LONRF2: variants seen among roughly 807,000 people sequenced by gnomAD.
LONRF2 encodes LON peptidase N-terminal domain and RING finger protein 2.
LONRF2 carries 35 observed loss-of-function variants against 66.6 expected under a neutral mutation model. The observed-to-expected ratio is 0.53, with a 90% CI of 0.40 to 0.70. The LOEUF (loss-of-function observed/expected upper bound fraction) is 0.70. Ranked by LOEUF, LONRF2 falls within the 30% of genes least tolerant of loss-of-function variation. The probability of loss-of-function intolerance (pLI) is 0.00; values close to 1 mark genes in which losing one functional copy is unlikely to be tolerated. For synonymous variants in LONRF2, 417 were observed against 418.1 expected (o/e 1.00, Z 0.03); for missense variants, 902 against 1,002.1 (o/e 0.90, Z 1.35).
chr2:100,304,312 C>CTGATTTTT (rs112107147), intron 2 of LONRF2, among the ~76,000 whole-genome samples: 1 of 150,770 alleles, frequency 6.6e-6, no homozygotes, highest in Non-Finnish European at 1.5e-5. Flanking sequence ...CCCTGCCTGG[C>CTGATTTTT]TAATTTTTTT....
chr2:100,287,338 T>C (rs888147143), intron 10 of LONRF2, among the ~76,000 whole-genome samples: 2 of 152,252 alleles, frequency 1.3e-5, no homozygotes, highest in African/African-American at 4.8e-5. Flanking sequence ...CAATTATATA[T>C]TTGAGATACA....
In LONRF2 at chr2:100,322,238, T is replaced by G. The variant is rs1192800117; in HGVS notation, c.-145A>C. ...CTGGGGGCGGCGCGCTGCGAGCGGC[T>G]GAGACCGCGGGCGGGGGCGGGCGCC... On this transcript the variant is annotated 5_prime_UTR_variant, in exon 1 of 12. Coordinates refer to ENST00000393437, the MANE Select transcript of LONRF2 (RefSeq NM_198461.4). 3.7e-6 allele frequency: 3 copies of G among 812,712 alleles called. No individual in the cohort carries two copies. Among genetic ancestry groups the G allele is most frequent in the Non-Finnish European group, 1.6e-6 (1 of 627,658 alleles). The allele number at this position is 812,712 out of a possible 1,614,324, so 50.3% of individuals were successfully genotyped here.
chr2:100,299,623 A>T, intron 5 of LONRF2, 94 bp downstream of exon 5: 1 of 948,032 alleles, frequency 1.1e-6, no homozygotes, highest in Non-Finnish European at 1.6e-6. Context: ...TACTAATATT[A>T]AATGTTGTAA....
chr2:100,305,406 T>C (rs1675271826), intron 2 of LONRF2, among the ~76,000 whole-genome samples: 1 of 152,188 alleles, frequency 6.6e-6, no homozygotes, highest in South Asian at 2.1e-4. Context: ...CCCCTGTTAA[T>C]GTCATTTTAA....
At chr2:100,307,096 A>G (rs1305616051) in intron 2 of LONRF2, among the ~76,000 whole-genome samples, 4 of 151,418 alleles carry the variant, frequency 2.6e-5, no homozygotes, top group Non-Finnish European at 5.9e-5. Context: ...AATTTTTTGT[A>G]TTTTTAGTAG....
intron 1 of LONRF2, among the ~76,000 whole-genome samples, chr2:100,318,598 G>A (rs769154677): frequency 9.9e-5 from 15 of 151,748 alleles, no homozygotes; most frequent in Non-Finnish European, 1.3e-4. Flanking sequence ...AGGCTGAGGC[G>A]GGCAGATCAC....
chr2:100,318,346 T>A (rs1417616915), intron 1 of LONRF2, among the ~76,000 whole-genome samples: 1 of 152,210 alleles, frequency 6.6e-6, no homozygotes, highest in Admixed American at 6.5e-5. Flanking sequence ...TTTCATACAT[T>A]TATTTACCTC....
In LONRF2 at chr2:100,299,142, T is replaced by G. The variant is rs552395711; in HGVS notation, c.1361+84A>C. The G allele has an allele frequency of 8.3e-5, 85 of 1,029,636 alleles. No individual in the cohort carries two copies. The African/African-American group carries it at 1.2e-3, about 14-fold the overall frequency. 63.8% of individuals were successfully genotyped at this position (1,029,636 alleles called of 1,614,324 possible). A position where few individuals can be genotyped will look rare whatever the true frequency, so the allele number is the denominator to read the frequency against. ...ACTGAGCTCTCCCTAGTTTCCGTGA[T>G]AATAAAAAGCCCATTACACTTTGGT... On this transcript the variant is annotated intron_variant, in intron 6 of 11. Coordinates refer to ENST00000393437, the MANE Select transcript of LONRF2 (RefSeq NM_198461.4).
chr2:100,305,306 AT>A (rs750142903), intron 2 of LONRF2, among the ~76,000 whole-genome samples: 1 of 152,158 alleles, frequency 6.6e-6, no homozygotes, highest in South Asian at 2.1e-4. Context: ...TAGTGTCTTT[AT>A]TTTTTTTAAT....
chr2:100,306,501 C>T (rs970219110), intron 2 of LONRF2, among the ~76,000 whole-genome samples: 12 of 152,112 alleles, frequency 7.9e-5, no homozygotes, highest in Admixed American at 2.0e-4. Flanking sequence ...CTTATAAGTT[C>T]GCTGTTTGGG....
intron 1 of LONRF2, among the ~76,000 whole-genome samples, chr2:100,317,287 G>C (rs1186601364): frequency 6.6e-6 from 1 of 151,262 alleles, no homozygotes; most frequent in African/African-American, 2.4e-5. Context: ...TTCCACTATA[G>C]CTTTTTTTTA....
At position 100,322,030 on chromosome 2, in the gene LONRF2, G is replaced by T. The variant is rs1226055674; in HGVS notation, c.64C>A (p.Pro22Thr). ...PQCPGCDRAEPIAQRLEEGDE... is the reference protein window; with the variant it reads ...PQCPGCDRAETIAQRLEEGDE... ...CCCTCCTCTAAGCGCTGGGCGATCG[G>T]CTCCGCGCGGTCGCAGCCAGGACAC... The change falls in exon 1 of 12, where the codon CCG (proline) becomes ACG (threonine). Residue 22 changes from proline (P) to threonine (T), a missense_variant. By Grantham distance (38) the Pro-to-Thr change is conservative. Coordinates refer to ENST00000393437, the MANE Select transcript of LONRF2 (RefSeq NM_198461.4). 1 of 1,369,154 alleles carries T rather than the reference G, an allele frequency of 7.3e-7. No homozygotes were observed. The highest frequency in any genetic ancestry group is 1.6e-5 in the South Asian group (1 of 60,926). The allele number at this position is 1,369,154 out of a possible 1,614,324, so 84.8% of individuals were successfully genotyped here. A position where few individuals can be genotyped will look rare whatever the true frequency, so the allele number is the denominator to read the frequency against.
In LONRF2 at chr2:100,284,442, G is replaced by A. The variant is rs150697040; in HGVS notation, c.2121C>T (p.Pro707=). ...TGGCCAGCTGAGCCTTGCGCTCCAGGGGCAGCACGGCCAGGATCCACCAGG... is the reference window on the plus strand; with the variant it reads ...TGGCCAGCTGAGCCTTGCGCTCCAGAGGCAGCACGGCCAGGATCCACCAGG... ...AWSWWILAVL[P]LERKAQLAIL... The change falls in exon 12 of 12, where the codon CCC becomes CCT. Residue 707 remains proline, a synonymous_variant. Transcript: ENST00000393437. 9.4e-4 allele frequency: 1,509 copies of A among 1,608,788 alleles called. 1 individual carries two copies. Among genetic ancestry groups the A allele is most frequent in the Non-Finnish European group, 1.0e-3 (1,194 of 1,177,928 alleles).
Position 100,284,389 on chromosome 2 carries a change from C to T in LONRF2, c.2174G>A (p.Arg725Gln), listed in dbSNP as rs867475260. The T allele has an allele frequency of 2.5e-6, 4 of 1,600,846 alleles. No homozygotes were observed. The highest frequency in any genetic ancestry group is 1.7e-5 in the Admixed American group (1 of 58,458). ...AILGMTSLKE[R>Q]LLAIRRILVI... is the part of the protein sequence containing the mutation. ...TAATATCCGTCGGATGGCAAGGAGC[C>T]GCTCTTTGAGCGAGGTCATGCCGAG... Residue 725 changes from arginine (R) to glutamine (Q), a missense_variant, in exon 12 of 12, where the codon CGG becomes CAG. By Grantham distance (43) the Arg-to-Gln change is conservative (BLOSUM62 1). Around this residue, in one of 2 missense-constraint regions of LONRF2, gnomAD observed 317 missense variants for 432.2 expected, o/e 0.73. Transcript: ENST00000393437.
At chr2:100,300,003 A>T in intron 4 of LONRF2, 85 bp from the exon 5 acceptor site, 5 of 467,268 alleles carry the variant, frequency 1.1e-5, no homozygotes, top group South Asian at 2.1e-5. Flanking sequence ...TGTACTAGAA[A>T]TCTTTGGAAA....
In LONRF2 at chr2:100,321,704, C is replaced by T. The variant is rs1675632735; in HGVS notation, c.390G>A (p.Pro130=). Residue 130 remains proline, a synonymous_variant, in exon 1 of 12, where the codon CCG becomes CCA. Coordinates refer to ENST00000393437, the MANE Select transcript of LONRF2 (RefSeq NM_198461.4). Reference sequence around the variant, plus strand: ...CGCGGGGCGCGCGGGGCTCCGGGGCCGGCCCTCCCTCGCCGGGCGCCTCGG... The same window carrying T: ...CGCGGGGCGCGCGGGGCTCCGGGGCTGGCCCTCCCTCGCCGGGCGCCTCGG... ...GEPEAPGEGG[P]APEPRAPRDL... is the part of the protein sequence containing the mutation. The T allele has an allele frequency of 8.4e-7, 1 of 1,196,752 alleles. No individual in the cohort carries two copies. The highest frequency in any genetic ancestry group is 4.5e-5 in the Admixed American group (1 of 22,050). The allele number at this position is 1,196,752 out of a possible 1,614,324, so 74.1% of individuals were successfully genotyped here. A position where few individuals can be genotyped will look rare whatever the true frequency, so the allele number is the denominator to read the frequency against.
In LONRF2 at chr2:100,286,932, G is replaced by T. The variant is rs1674857667; in HGVS notation, c.2052C>A (p.Asp684Glu). The T allele has an allele frequency of 6.2e-7, 1 of 1,613,920 alleles. No homozygotes were observed. The highest frequency in any genetic ancestry group is 8.5e-7 in the Non-Finnish European group (1 of 1,179,916). The change falls in exon 11 of 12, where the codon GAC becomes GAA. Residue 684 changes from aspartate (D) to glutamate (E), a missense_variant. Transcript: ENST00000393437. ...GGCATACCTGAGGCTCAGGTTCTCT[G>T]TCTGGCATTACCCCAAAATGACTTA... ...QILSHFGVMP[D>E]REPEPQSNPS...
At position 100,278,619 on chromosome 2, in the gene LONRF2, G is replaced by A. The variant is rs6754867; in HGVS notation, c.*5679C>T. 101,442 of 151,994 alleles carry A rather than the reference G, an allele frequency of 0.67. 34,367 individuals are homozygous for A. Among genetic ancestry groups the A allele is most frequent in the East Asian group, 0.96 (4,945 of 5,140 alleles). The allele number at this position is 151,994 out of a possible 1,614,324, so 9.4% of individuals were successfully genotyped here. A position where few individuals can be genotyped will look rare whatever the true frequency, so the allele number is the denominator to read the frequency against. ...AGGTAAGCCACTGTTTCAACCAAAC[G>A]CGGCAAATGCTGGGACCCACATCAG... On this transcript the variant is annotated 3_prime_UTR_variant, in exon 12 of 12. Coordinates refer to ENST00000393437, the MANE Select transcript of LONRF2 (RefSeq NM_198461.4).
chr2:100,290,136 T>G (rs954846426), intron 10 of LONRF2, 122 bp downstream of exon 10: 4 of 865,578 alleles, frequency 4.6e-6, no homozygotes, highest in Admixed American at 2.8e-5. Context: ...AATAAATAAC[T>G]TAAGTGATGA....
Sources: allele counts gnomAD v4.1 joint callset (sites outside exome capture counted in the v4.1 genomes callset), GRCh38; gene constraint gnomAD v4.1.1; regional missense constraint gnomAD v4.1.1; transcripts MANE v1.5; gene names NCBI Gene and HGNC (gene_info 2026-07-23, HGNC 2026-07-21).